The following INPP5A variants were observed in gnomAD, a reference collection of about 807,000 sequenced individuals.
INPP5A encodes 43 kDa inositol polyphosphate 5-phophatase.
A neutral mutation model predicts 65.2 loss-of-function variants in INPP5A; 14 were observed. That is an observed-to-expected ratio of 0.21 (90% CI 0.14 to 0.34). The LOEUF (loss-of-function observed/expected upper bound fraction) is 0.34. INPP5A is among the 10% of genes least tolerant of loss of function. INPP5A has a pLI of 1.00. For synonymous variants in INPP5A, 207 were observed against 208.3 expected (o/e 0.99, Z 0.05); for missense variants, 431 against 545.6 (o/e 0.79, Z 2.09).
chr10:132,592,837 T>C (rs1021348781), intron 1 of INPP5A, among the ~76,000 whole-genome samples: 1 of 152,266 alleles, frequency 6.6e-6, no homozygotes, highest in Admixed American at 6.5e-5. Context: ...ATAACACCAG[T>C]TTGTTGTTTC....
In INPP5A at chr10:132,551,872, G is replaced by A. The variant is rs986017150; in HGVS notation, c.75+13701G>A. On this transcript the variant is annotated intron_variant, in intron 1 of 15. Transcript: ENST00000368594. This position sits in a 1 kb window ranked among gnomAD's most constrained non-coding sequence, Gnocchi z 5.3. The stretch of plus-strand genomic sequence containing the variant: ...TGCACGATTAAACTGGGTTCTGCTC[G>A]GGGAGTCCCTGGGGTTTGGAGCTCT... 3.3e-5 allele frequency among the ~76,000 whole-genome samples: 5 copies of A among 152,202 alleles called. No homozygotes were observed. Among genetic ancestry groups the A allele is most frequent in the African/African-American group, 9.6e-5 (4 of 41,452 alleles).
chr10:132,552,407 GT>G (rs2071066438), intron 1 of INPP5A, among the ~76,000 whole-genome samples: 1 of 143,922 alleles, frequency 6.9e-6, no homozygotes, highest in Non-Finnish European at 1.5e-5. Context: ...GGGAGGATTG[GT>G]GAACGCCTTC....
chr10:132,718,308 C>G (rs1328677437), intron 8 of INPP5A, among the ~76,000 whole-genome samples: 1 of 143,798 alleles, frequency 7.0e-6, no homozygotes, highest in Non-Finnish European at 1.5e-5. Flanking sequence ...CAGCTGTCTT[C>G]AGGGTTCTGT....
At chr10:132,720,491 T>C (rs528629322) in intron 8 of INPP5A, among the ~76,000 whole-genome samples, 1 of 150,420 alleles carries the variant, frequency 6.6e-6, no homozygotes, top group African/African-American at 2.4e-5. Context: ...TCTGGGTGCC[T>C]TAGACAGCTG....
chr10:132,680,134 G>C (rs2073022887), intron 4 of INPP5A, among the ~76,000 whole-genome samples: 1 of 152,212 alleles, frequency 6.6e-6, no homozygotes, highest in African/African-American at 2.4e-5. Context: ...ACTTTGTACA[G>C]CCAAAGACAA....
Position 132,727,633 on chromosome 10 carries a change from G to C in INPP5A, c.732+728G>C, listed in dbSNP as rs1232698028. ...CACTTCCCGGGCAGCTGTGAAGAGG[G>C]GGGTGTGGGAAATGGTGGAGCACCT... On this transcript the variant is annotated intron_variant, in intron 9 of 15. Coordinates refer to ENST00000368594, the MANE Select transcript of INPP5A (RefSeq NM_005539.5). This position sits in a 1 kb window ranked among gnomAD's most constrained non-coding sequence, Gnocchi z 6.5. Among the ~76,000 whole-genome samples, 1 of 152,198 alleles carries C rather than the reference G, an allele frequency of 6.6e-6. No individual in the cohort carries two copies. The highest frequency in any genetic ancestry group is 1.9e-4 in the East Asian group (1 of 5,188).
At chr10:132,690,541 C>A in intron 5 of INPP5A, 86 bp downstream of exon 5, 4 of 986,392 alleles carry the variant, frequency 4.1e-6, no homozygotes, top group Non-Finnish European at 6.4e-6. Flanking sequence ...CCTGCCCTGT[C>A]TCTGTGAGTG....
At chr10:132,630,241 C>T (rs983068008) in intron 2 of INPP5A, among the ~76,000 whole-genome samples, 4 of 150,496 alleles carry the variant, frequency 2.7e-5, no homozygotes, top group East Asian at 2.0e-4. Flanking sequence ...GAGGGGAAGA[C>T]GTCCATGAGG....
intron 1 of INPP5A, among the ~76,000 whole-genome samples, chr10:132,584,582 C>A (rs2071524948): frequency 6.6e-6 from 1 of 152,204 alleles, no homozygotes; most frequent in Middle Eastern, 3.4e-3. Flanking sequence ...TCATATTATT[C>A]TTTTAATGTC....
chr10:132,546,159 C>T lies in INPP5A; in HGVS notation c.75+7988C>T, dbSNP rs569311755. Among the ~76,000 whole-genome samples, 51 of 152,350 alleles carry T rather than the reference C, an allele frequency of 3.3e-4. No individual in the cohort carries two copies. Among genetic ancestry groups the T allele is most frequent in the Non-Finnish European group, 2.2e-4 (15 of 68,038 alleles). On this transcript the variant is annotated intron_variant, in intron 1 of 15. Coordinates refer to ENST00000368594, the MANE Select transcript of INPP5A (RefSeq NM_005539.5). The surrounding 1 kb of genome is among the most constrained non-coding windows in gnomAD (Gnocchi z 5.7). ...GAGGACGCTTCCGAGGATGTGGAAG[C>T]CACCAGTCGTCCTGGGTGGGTTGGG...
intron 1 of INPP5A, among the ~76,000 whole-genome samples, chr10:132,606,797 G>A (rs1226568604): frequency 2.0e-5 from 3 of 152,222 alleles, no homozygotes; most frequent in Non-Finnish European, 2.9e-5. Flanking sequence ...CTTTAGTCCC[G>A]ATGGGAGCGG....
chr10:132,562,677 TTC>T (rs1335625850), intron 1 of INPP5A, among the ~76,000 whole-genome samples: 3 of 152,236 alleles, frequency 2.0e-5, no homozygotes, highest in Non-Finnish European at 4.4e-5. Context: ...CCCTGCTGGC[TTC>T]TCTTTCCCTC....
At chr10:132,716,004 G>T (rs1016224694) in intron 8 of INPP5A, among the ~76,000 whole-genome samples, 37 of 152,362 alleles carry the variant, frequency 2.4e-4, no homozygotes, top group African/African-American at 8.2e-4. Flanking sequence ...CCAGGGCGTG[G>T]TCGGTCCACT....
At chr10:132,683,938 C>G (rs1295433677) in intron 4 of INPP5A, among the ~76,000 whole-genome samples, 1 of 152,356 alleles carries the variant, frequency 6.6e-6, no homozygotes, top group East Asian at 1.9e-4. Flanking sequence ...TGGTCTCGAA[C>G]TCCTGACCTC....
At chr10:132,749,725 A>C in intron 10 of INPP5A, 46 bp from the exon 11 acceptor site, 1 of 1,602,652 alleles carries the variant, frequency 6.2e-7, no homozygotes, top group East Asian at 2.2e-5. Flanking sequence ...GGACACGCAC[A>C]AGGCTGGGGG....
chr10:132,741,034 C>T lies in INPP5A; in HGVS notation c.733-8483C>T, dbSNP rs1306396504. ...ATTGAGCCCAGGAATTCAAGACCAGCCTGGGCAACATAGGGAGTCCCCGTC... is the reference window on the plus strand; with the variant it reads ...ATTGAGCCCAGGAATTCAAGACCAGTCTGGGCAACATAGGGAGTCCCCGTC... On this transcript the variant is annotated intron_variant, in intron 9 of 15. Coordinates refer to ENST00000368594, the MANE Select transcript of INPP5A (RefSeq NM_005539.5). This position sits in a 1 kb window ranked among gnomAD's most constrained non-coding sequence, Gnocchi z 4.4. 6.6e-6 allele frequency among the ~76,000 whole-genome samples: 1 copy of T among 152,140 alleles called. No individual in the cohort carries two copies. The highest frequency in any genetic ancestry group is 1.5e-5 in the Non-Finnish European group (1 of 68,026).
chr10:132,736,508 G>T (rs374818182), intron 9 of INPP5A, among the ~76,000 whole-genome samples: 2 of 152,246 alleles, frequency 1.3e-5, no homozygotes, highest in African/African-American at 4.8e-5. Flanking sequence ...TCGGAGAGGG[G>T]CTGACGTCGC....
At position 132,551,426 on chromosome 10, in the gene INPP5A, T is replaced by C. The variant is rs2071047959; in HGVS notation, c.75+13255T>C. On this transcript the variant is annotated intron_variant, in intron 1 of 15. Coordinates refer to ENST00000368594, the MANE Select transcript of INPP5A (RefSeq NM_005539.5). This position sits in a 1 kb window ranked among gnomAD's most constrained non-coding sequence, Gnocchi z 5.3. ...AGGTGGTCGGGGGACACCGGGCTTC[T>C]GGGTCAGCAAGTGTTTGCCATACGC... Among the ~76,000 whole-genome samples the C allele has an allele frequency of 6.6e-6, 1 of 152,164 alleles. No homozygotes were observed.
intron 1 of INPP5A, among the ~76,000 whole-genome samples, chr10:132,579,201 A>T (rs1458256370): frequency 1.4e-5 from 2 of 146,878 alleles, no homozygotes; most frequent in African/African-American, 5.1e-5. Flanking sequence ...AGGCGGGGGA[A>T]GGAGAGTGTG....
Sources: gnomAD v4.1 joint callset for allele counts (sites outside exome capture counted in the v4.1 genomes callset) on GRCh38, gnomAD v4.1.1 for gene constraint, Gnocchi (gnomAD v3.1) non-coding constraint, MANE v1.5 for transcripts, NCBI Gene and HGNC (gene_info 2026-07-23, HGNC 2026-07-21) for gene names.